The following KCNH1 variants were observed in gnomAD, a reference collection of about 807,000 sequenced individuals.
The protein encoded by KCNH1 is potassium voltage-gated channel subfamily H member 1.
In KCNH1, 27 loss-of-function variants were observed where a neutral mutation model predicts 69.2. The ratio of observed to expected loss-of-function variants is 0.39; its 90% confidence interval spans 0.29 to 0.54. KCNH1 has a LOEUF of 0.54. Among genes scored for constraint, KCNH1 ranks in the 20% least tolerant of loss-of-function variants. The pLI, the probability that KCNH1 is intolerant of heterozygous loss-of-function variation, is 0.68. For missense variants in KCNH1, 798 were observed against 1,261.6 expected (o/e 0.63, Z 5.57); for synonymous variants, 456 against 487.7 (o/e 0.93, Z 0.86).
chr1:210,762,105 A>T (rs143600035), intron 10 of KCNH1, among the ~76,000 whole-genome samples: 10 of 152,180 alleles, frequency 6.6e-5, no homozygotes, highest in African/African-American at 2.4e-4. Flanking sequence ...TGGAAACTAA[A>T]CAACTTGCTC....
chr1:210,879,533 A>G (rs1039071819), intron 7 of KCNH1, among the ~76,000 whole-genome samples: 10 of 152,130 alleles, frequency 6.6e-5, no homozygotes, highest in Non-Finnish European at 2.9e-5. Flanking sequence ...AGATGCAGAA[A>G]AAAGCATATG....
chr1:210,869,802 T>C (rs1407908390), intron 7 of KCNH1, among the ~76,000 whole-genome samples: 1 of 152,160 alleles, frequency 6.6e-6, no homozygotes, highest in Non-Finnish European at 1.5e-5. Flanking sequence ...TGGCTGGTCA[T>C]AACTCAAACT....
chr1:210,802,692 A>G (rs1055030832), intron 8 of KCNH1, among the ~76,000 whole-genome samples: 4 of 152,204 alleles, frequency 2.6e-5, no homozygotes, highest in African/African-American at 9.6e-5. Context: ...AACAATAGGA[A>G]TTTATCACCC....
intron 1 of KCNH1, among the ~76,000 whole-genome samples, chr1:211,115,707 ATATATATATG>A (rs200014234): frequency 1.5e-4 from 12 of 77,590 alleles, no homozygotes; most frequent in African/African-American, 6.5e-4. Context: ...TCCCCTATAT[ATATATATATG>A]TATATATATA....
intron 7 of KCNH1, among the ~76,000 whole-genome samples, chr1:210,844,561 G>C (rs987581623): frequency 5.3e-5 from 8 of 152,132 alleles, no homozygotes; most frequent in Non-Finnish European, 2.9e-5. Context: ...CAGAATCTCT[G>C]GGACACATTC....
At chr1:210,733,810 A>G (rs551902703) in intron 10 of KCNH1, among the ~76,000 whole-genome samples, 7 of 152,142 alleles carry the variant, frequency 4.6e-5, no homozygotes, top group Non-Finnish European at 8.8e-5. Context: ...GGGGAAGGAC[A>G]CAGAAGGACA....
intron 10 of KCNH1, among the ~76,000 whole-genome samples, chr1:210,711,536 C>T (rs1433997124): frequency 6.6e-6 from 1 of 152,234 alleles, no homozygotes; most frequent in African/African-American, 2.4e-5. Flanking sequence ...TTCCTTTGAC[C>T]TGAGTTGCCT....
chr1:211,004,085 C>G (rs1429943730), intron 6 of KCNH1, among the ~76,000 whole-genome samples: 2 of 152,068 alleles, frequency 1.3e-5, no homozygotes, highest in Non-Finnish European at 2.9e-5. Context: ...CAGCGAGACT[C>G]TGTCTCAAAA....
chr1:210,751,975 G>A (rs559829688), intron 10 of KCNH1, among the ~76,000 whole-genome samples: 1 of 152,134 alleles, frequency 6.6e-6, no homozygotes, highest in Non-Finnish European at 1.5e-5. Flanking sequence ...GCAGAAAACA[G>A]AATCTGAGCT....
intron 3 of KCNH1, among the ~76,000 whole-genome samples, chr1:211,091,824 A>G (rs1165019360): frequency 1.3e-5 from 2 of 152,188 alleles, no homozygotes; most frequent in Non-Finnish European, 1.5e-5. Flanking sequence ...ACAGTCACTC[A>G]CTGGCTTCCC....
rs1681203212 is a variant in KCNH1, at chr1:210,679,024, T to C, written c.*4257A>G. Reference sequence around the variant, plus strand: ...ACTTGAATTTAAGCTGCAGATAAATTCACATTGATTCTTTTGAGCTGTAGG... The same window carrying C: ...ACTTGAATTTAAGCTGCAGATAAATCCACATTGATTCTTTTGAGCTGTAGG... On this transcript the variant is annotated 3_prime_UTR_variant, in exon 11 of 11. Coordinates refer to ENST00000271751, the MANE Select transcript of KCNH1 (RefSeq NM_172362.3). The C allele has an allele frequency of 1.3e-5, 2 of 152,206 alleles. No homozygotes were observed. Among genetic ancestry groups the C allele is most frequent in the African/African-American group, 4.8e-5 (2 of 41,442 alleles). The allele number at this position is 152,206 out of a possible 1,614,324, so 9.4% of individuals were successfully genotyped here.
At chr1:210,694,670 C>T (rs1184343188) in intron 10 of KCNH1, among the ~76,000 whole-genome samples, 1 of 152,236 alleles carries the variant, frequency 6.6e-6, no homozygotes, top group Non-Finnish European at 1.5e-5. Context: ...TGATGGATTT[C>T]ACAGGACTTC....
Position 210,984,257 on chromosome 1 carries a change from C to A in KCNH1, c.1032+34526G>T, listed in dbSNP as rs376869590. ...GACTTCCTCTTTTCCTAATTGAATA[C>A]CCTTTATTTCCTTCTCCTGCCTGAT... On this transcript the variant is annotated intron_variant, in intron 6 of 10. Coordinates refer to ENST00000271751, the MANE Select transcript of KCNH1 (RefSeq NM_172362.3). Among the ~76,000 whole-genome samples, 52 of 152,234 alleles carry A rather than the reference C, an allele frequency of 3.4e-4. No individual in the cohort carries two copies. The East Asian group carries it at 9.1e-3, about 27-fold the overall frequency.
intron 10 of KCNH1, among the ~76,000 whole-genome samples, chr1:210,735,841 A>C (rs970206234): frequency 4.0e-5 from 6 of 150,816 alleles, no homozygotes; most frequent in South Asian, 2.1e-4. Context: ...AGAGAGAGAG[A>C]GCGCACAAGA....
intron 5 of KCNH1, among the ~76,000 whole-genome samples, chr1:211,025,824 G>A (rs139509121): frequency 6.6e-6 from 1 of 152,190 alleles, no homozygotes; most frequent in Non-Finnish European, 1.5e-5. Context: ...CAGCCTCCTA[G>A]ATCAATTGTG....
intron 5 of KCNH1, among the ~76,000 whole-genome samples, chr1:211,030,141 G>C (rs1168494510): frequency 6.6e-6 from 1 of 152,162 alleles, no homozygotes; most frequent in Non-Finnish European, 1.5e-5. Flanking sequence ...AGTTTTTGTA[G>C]ATGTGCACAA....
At chr1:210,700,042 G>A (rs2149010333) in intron 10 of KCNH1, among the ~76,000 whole-genome samples, 1 of 152,224 alleles carries the variant, frequency 6.6e-6, no homozygotes, top group Non-Finnish European at 1.5e-5. Flanking sequence ...TCCTATCTCA[G>A]GAAGAATCCT....
At chr1:210,834,462 C>T (rs1046372506) in intron 7 of KCNH1, among the ~76,000 whole-genome samples, 2 of 136,216 alleles carry the variant, frequency 1.5e-5, no homozygotes, top group Non-Finnish European at 3.1e-5. Context: ...CATATTCTCA[C>T]TCATAGGTGG....
chr1:210,950,633 G>A (rs192860002), intron 6 of KCNH1, among the ~76,000 whole-genome samples: 125 of 151,916 alleles, frequency 8.2e-4, no homozygotes, highest in African/African-American at 2.8e-3. Flanking sequence ...GGACTTTTGG[G>A]TTGGTTCCAA....
Sources: allele counts gnomAD v4.1 joint callset (sites outside exome capture counted in the v4.1 genomes callset), GRCh38; gene constraint gnomAD v4.1.1; transcripts MANE v1.5; gene names NCBI Gene and HGNC (gene_info 2026-07-23, HGNC 2026-07-21).